The following TBC1D22A variants were observed in gnomAD, a reference collection of about 807,000 sequenced individuals.
TBC1D22A encodes putative GTPase activator.
Under a neutral mutation model 60.2 loss-of-function variants are expected in TBC1D22A, and 38 were observed. The observed-to-expected ratio is 0.63, with a 90% confidence interval of 0.49 to 0.83. The LOEUF is 0.83. Among genes scored for constraint, TBC1D22A ranks in the 40% least tolerant of loss-of-function variants. TBC1D22A has a pLI of 0.00. For synonymous variants in TBC1D22A, 302 were observed against 281.7 expected (o/e 1.07, Z -0.72); for missense variants, 628 against 701.0 (o/e 0.90, Z 1.18).
intron 11 of TBC1D22A, among the ~76,000 whole-genome samples, chr22:47,051,863 G>A (rs1189480907): frequency 2.0e-5 from 3 of 152,342 alleles, no homozygotes; most frequent in Admixed American, 6.5e-5. Context: ...TTTCAGCGGT[G>A]CTCTCCTGGC....
intron 2 of TBC1D22A, 169 bp downstream of exon 2, chr22:46,792,745 C>T (rs1305807845): frequency 1.3e-6 from 2 of 1,499,372 alleles, no homozygotes; most frequent in East Asian, 2.4e-5. Flanking sequence ...TACTGTGCAC[C>T]CCGTGCTGCG....
intron 10 of TBC1D22A, among the ~76,000 whole-genome samples, chr22:47,036,823 C>T (rs572862618): frequency 1.3e-5 from 2 of 152,212 alleles, no homozygotes; most frequent in African/African-American, 2.4e-5. Context: ...GTGAAGCACC[C>T]GAACATGTCC....
chr22:46,918,935 C>G lies in TBC1D22A; in HGVS notation c.1015+6747C>G, dbSNP rs529559068. Among the ~76,000 whole-genome samples, 568 of 152,292 alleles carry G rather than the reference C, an allele frequency of 3.7e-3. 3 individuals are homozygous for G. The highest frequency in any genetic ancestry group is 4.6e-3 in the Non-Finnish European group (316 of 68,012). On this transcript the variant is annotated intron_variant, in intron 8 of 12. Transcript: ENST00000337137. ...GTCACCGTTCTCCTTCCTTCTGTCCCCCACCCACTCCCAACCTCCATGCAA... is the reference window on the plus strand; with the variant it reads ...GTCACCGTTCTCCTTCCTTCTGTCCGCCACCCACTCCCAACCTCCATGCAA...
chr22:46,786,003 A>G (rs560405029), intron 1 of TBC1D22A, among the ~76,000 whole-genome samples: 1 of 152,110 alleles, frequency 6.6e-6, no homozygotes, highest in Non-Finnish European at 1.5e-5. Context: ...ACTGGTCTTT[A>G]ACTCCTGGGC....
chr22:46,998,295 G>C (rs1367503301), intron 10 of TBC1D22A, among the ~76,000 whole-genome samples: 1 of 152,132 alleles, frequency 6.6e-6, no homozygotes, highest in East Asian at 1.9e-4. Context: ...TGGAAGCTGA[G>C]AGATAATGCT....
At chr22:46,968,114 G>A (rs1365913985) in intron 8 of TBC1D22A, among the ~76,000 whole-genome samples, 1 of 152,242 alleles carries the variant, frequency 6.6e-6, no homozygotes, top group Non-Finnish European at 1.5e-5. Context: ...AGGCACCCAC[G>A]CACTGCGTGG....
At chr22:46,968,106 G>A (rs2073895767) in intron 8 of TBC1D22A, among the ~76,000 whole-genome samples, 1 of 152,210 alleles carries the variant, frequency 6.6e-6, no homozygotes, top group East Asian at 1.9e-4. Flanking sequence ...GACAGGAGAG[G>A]CACCCACGCA....
chr22:47,165,367 C>T (rs1170943316), intron 12 of TBC1D22A, among the ~76,000 whole-genome samples: 1 of 152,116 alleles, frequency 6.6e-6, no homozygotes, highest in Non-Finnish European at 1.5e-5. Context: ...GAGCACGAAA[C>T]AACAGGGCGA....
At chr22:46,809,359 C>T (rs896734262) in intron 4 of TBC1D22A, among the ~76,000 whole-genome samples, 6 of 152,148 alleles carry the variant, frequency 3.9e-5, no homozygotes, top group Admixed American at 1.3e-4. Context: ...AGGGCCCCAC[C>T]CTCATGACTT....
At chr22:46,883,694 G>A (rs936251345) in intron 5 of TBC1D22A, among the ~76,000 whole-genome samples, 7 of 152,236 alleles carry the variant, frequency 4.6e-5, no homozygotes, top group African/African-American at 1.7e-4. Context: ...GATCACCCCT[G>A]CTGGCCCACG....
intron 11 of TBC1D22A, among the ~76,000 whole-genome samples, chr22:47,049,143 G>A (rs1024733035): frequency 2.6e-5 from 4 of 152,204 alleles, no homozygotes; most frequent in Non-Finnish European, 1.5e-5. Context: ...CAGCTCTGCC[G>A]GGTACACGTT....
At chr22:47,070,525 G>A (rs112410204) in intron 11 of TBC1D22A, among the ~76,000 whole-genome samples, 9 of 146,318 alleles carry the variant, frequency 6.2e-5, no homozygotes, top group African/African-American at 2.1e-4. Context: ...GAGCTGACCT[G>A]ACTGTTCCAG....
At chr22:47,007,790 C>T (rs1396970753) in intron 10 of TBC1D22A, among the ~76,000 whole-genome samples, 1 of 152,142 alleles carries the variant, frequency 6.6e-6, no homozygotes, top group Non-Finnish European at 1.5e-5. Flanking sequence ...CAGGGTCCCA[C>T]CCTCACAATC....
At chr22:46,797,895 C>T (rs972572290) in intron 4 of TBC1D22A, among the ~76,000 whole-genome samples, 2 of 152,064 alleles carry the variant, frequency 1.3e-5, no homozygotes, top group African/African-American at 4.8e-5. Flanking sequence ...AAATTTGAGA[C>T]AAGGTCTTAC....
At chr22:46,845,403 G>A (rs780276108) in intron 4 of TBC1D22A, among the ~76,000 whole-genome samples, 1 of 152,194 alleles carries the variant, frequency 6.6e-6, no homozygotes, top group Non-Finnish European at 1.5e-5. Flanking sequence ...ACCTAACAGA[G>A]CTATTATTAT....
At chr22:46,932,049 G>A (rs11912431) in intron 8 of TBC1D22A, among the ~76,000 whole-genome samples, 2,245 of 152,244 alleles carry the variant, frequency 0.015, 47 homozygotes, top group African/African-American at 0.05. Context: ...GATGTTACGC[G>A]GTTTCTTTCC....
intron 12 of TBC1D22A, among the ~76,000 whole-genome samples, chr22:47,120,854 A>T (rs1195378779): frequency 6.6e-6 from 1 of 152,240 alleles, no homozygotes; most frequent in Non-Finnish European, 1.5e-5. Flanking sequence ...AGTTAACTTA[A>T]TATGGCCAGA....
chr22:46,793,335 CTCT>C (rs1161810359), intron 2 of TBC1D22A, among the ~76,000 whole-genome samples, 163 bp from the exon 3 acceptor site: 1 of 152,232 alleles, frequency 6.6e-6, no homozygotes, highest in African/African-American at 2.4e-5. Context: ...GCTTCGCCTG[CTCT>C]TCTTTTGGCT....
At chr22:46,857,627 T>A (rs1336344065) in intron 4 of TBC1D22A, among the ~76,000 whole-genome samples, 1 of 152,100 alleles carries the variant, frequency 6.6e-6, no homozygotes, top group Non-Finnish European at 1.5e-5. Context: ...CACAAGGAAA[T>A]CCTGTACCCA....
Sources: gnomAD v4.1 joint callset for allele counts (sites outside exome capture counted in the v4.1 genomes callset) on GRCh38, gnomAD v4.1.1 for gene constraint, MANE v1.5 for transcripts, NCBI Gene and HGNC (gene_info 2026-07-23, HGNC 2026-07-21) for gene names.